LIMCH1: variants seen among roughly 807,000 people sequenced by gnomAD.
LIMCH1 encodes the protein LIM and calponin homology domains-containing protein 1.
Under a neutral mutation model 176.5 loss-of-function variants are expected in LIMCH1, and 113 were observed. The ratio of observed to expected loss-of-function variants is 0.64; its 90% CI spans 0.55 to 0.75. LIMCH1 has a LOEUF of 0.75. Ranked by LOEUF, LIMCH1 falls within the 30% of genes least tolerant of loss-of-function variation. LIMCH1 has a pLI of 0.00. For synonymous variants in LIMCH1, 619 were observed against 645.9 expected (o/e 0.96, Z 0.63); for missense variants, 1,674 against 1,814.9 (o/e 0.92, Z 1.41).
At chr4:41,398,004 G>C (rs766062036) in intron 1 of LIMCH1, among the ~76,000 whole-genome samples, 6 of 151,574 alleles carry the variant, frequency 4.0e-5, no homozygotes, top group Non-Finnish European at 8.8e-5. Context: ...AGCAACATCT[G>C]AACTATCAAT....
intron 1 of LIMCH1, among the ~76,000 whole-genome samples, chr4:41,416,136 TG>T (rs1445119391): frequency 6.6e-6 from 1 of 152,202 alleles, no homozygotes; most frequent in East Asian, 1.9e-4. Context: ...CTTACTTTGC[TG>T]GGTGGTTTTG....
intron 1 of LIMCH1, among the ~76,000 whole-genome samples, chr4:41,379,927 T>A (rs2055387932): frequency 6.6e-6 from 1 of 152,122 alleles, no homozygotes; most frequent in Non-Finnish European, 1.5e-5. Flanking sequence ...GCCCCCTGAG[T>A]AGCTGGGATT....
intron 8 of LIMCH1, among the ~76,000 whole-genome samples, chr4:41,629,280 A>T (rs2093171567): frequency 6.6e-6 from 1 of 152,214 alleles, no homozygotes; most frequent in Non-Finnish European, 1.5e-5. Context: ...AGGGGAAAAA[A>T]ACCTCTGTCT....
intron 1 of LIMCH1, among the ~76,000 whole-genome samples, chr4:41,419,658 T>G (rs866256864): frequency 0.11 from 8,798 of 80,462 alleles, 818 homozygotes; most frequent in South Asian, 0.22. Context: ...TCCTCCTTCC[T>G]TCCTTCCTTC....
chr4:41,449,468 T>A (rs2063617785), intron 1 of LIMCH1, among the ~76,000 whole-genome samples: 1 of 152,170 alleles, frequency 6.6e-6, no homozygotes, highest in African/African-American at 2.4e-5. Context: ...TGTTTCCCAT[T>A]TTAGGCCCCA....
intron 1 of LIMCH1, among the ~76,000 whole-genome samples, chr4:41,447,704 C>T (rs921476692): frequency 6.6e-6 from 1 of 152,198 alleles, no homozygotes; most frequent in Admixed American, 6.5e-5. Flanking sequence ...GTCTGTCTTA[C>T]CAACTTACCT....
chr4:41,439,321 G>A (rs1195163831), intron 1 of LIMCH1, among the ~76,000 whole-genome samples: 1 of 152,212 alleles, frequency 6.6e-6, no homozygotes, highest in Admixed American at 6.5e-5. Context: ...CAGCGCCGTG[G>A]CTCATGCCTG....
intron 6 of LIMCH1, 128 bp downstream of exon 6, chr4:41,619,568 G>T: frequency 8.1e-7 from 1 of 1,233,876 alleles, no homozygotes; most frequent in Non-Finnish European, 1.1e-6. Context: ...GATGGAGGTG[G>T]GTGGGACAGA....
At chr4:41,390,602 C>T (rs1171053049) in intron 1 of LIMCH1, among the ~76,000 whole-genome samples, 1 of 152,202 alleles carries the variant, frequency 6.6e-6, no homozygotes, top group Non-Finnish European at 1.5e-5. Context: ...GTAAACATAT[C>T]ACTTTATCTG....
intron 1 of LIMCH1, among the ~76,000 whole-genome samples, chr4:41,400,189 T>C (rs1159006154): frequency 3.3e-5 from 5 of 152,130 alleles, no homozygotes; most frequent in Admixed American, 3.3e-4. Flanking sequence ...TATTTTGCAT[T>C]TTTTAAAGAA....
In LIMCH1 at chr4:41,654,142, CTT is replaced by C. The variant is rs200321151; in HGVS notation, c.3036+3535_3036+3536del. Among the ~76,000 whole-genome samples the C allele has an allele frequency of 9.1e-3, 1,388 of 152,280 alleles. 23 individuals carry two copies. The highest frequency in any genetic ancestry group is 0.031 in the African/African-American group (1,298 of 41,554). On this transcript the variant is annotated intron_variant, in intron 18 of 31. Transcript: ENST00000503057. The stretch of plus-strand genomic sequence containing the variant: ...GAATTAAATACAGAGGGACTCATGA[CTT>C]AGGATGGTTCACCTTACCATTTTTC...
chr4:41,497,360 A>G (rs1583143418), intron 2 of LIMCH1, among the ~76,000 whole-genome samples: 2 of 152,226 alleles, frequency 1.3e-5, no homozygotes, highest in Non-Finnish European at 2.9e-5. Flanking sequence ...ACAGAAGGAT[A>G]CCTTCTGGTC....
intron 1 of LIMCH1, among the ~76,000 whole-genome samples, chr4:41,591,673 A>T (rs1321075112): frequency 6.6e-6 from 1 of 152,228 alleles, no homozygotes; most frequent in Non-Finnish European, 1.5e-5. Flanking sequence ...ACTGAGAATT[A>T]TATGGATGCT....
intron 22 of LIMCH1, among the ~76,000 whole-genome samples, chr4:41,671,856 G>A: frequency 8.0e-6 from 1 of 125,030 alleles, no homozygotes; most frequent in African/African-American, 3.1e-5. Context: ...CTGCACTCCA[G>A]TCTGGGTGAC....
In LIMCH1 at chr4:41,553,938, C is replaced by G. The variant is rs537093247; in HGVS notation, c.-241+15588C>G. On this transcript the variant is annotated intron_variant, in intron 1 of 31. Coordinates refer to ENST00000503057, the MANE Select transcript of LIMCH1 (RefSeq NM_001330672.2). ...ATAATATCCTTGACCTAAGTGAATT[C>G]TCAAGCTCAGTAGTATTAGGCCAGA... Among the ~76,000 whole-genome samples, 3 of 152,282 alleles carry G rather than the reference C, an allele frequency of 2.0e-5. No homozygotes were observed. The South Asian group carries it at 6.2e-4, about 32-fold the overall frequency.
intron 1 of LIMCH1, among the ~76,000 whole-genome samples, chr4:41,367,823 C>T (rs890303779): frequency 2.8e-4 from 41 of 148,936 alleles, no homozygotes; most frequent in Non-Finnish European, 5.0e-4. Context: ...GCCAAAATCG[C>T]GCCACTGCAC....
intron 2 of LIMCH1, among the ~76,000 whole-genome samples, chr4:41,503,257 G>A (rs2073691082): frequency 6.6e-6 from 1 of 152,102 alleles, no homozygotes; most frequent in Admixed American, 6.6e-5. Context: ...GCTCATCTCG[G>A]AATTAACCGA....
rs768519006 is a variant in LIMCH1, at chr4:41,619,344, TC to T, written c.366del (p.Ala123ArgfsTer3). ...LPNKSNQTAYVPAPLRKKKAE... is the reference protein window; with the variant it reads ...LPNKSNQTAYXPAPLRKKKAE... The stretch of plus-strand genomic sequence containing the variant: ...AACAAAAGCAATCAGACGGCCTACG[TC>T]CCCGCGCCTCTGAGAAAGAAGAAAG... On this transcript the variant is annotated frameshift_variant, in exon 6 of 32. Coordinates refer to ENST00000503057, the MANE Select transcript of LIMCH1 (RefSeq NM_001330672.2). LOFTEE classifies it high-confidence loss of function. 1 of 1,614,018 alleles carries T rather than the reference TC, an allele frequency of 6.2e-7. No homozygotes were observed. The highest frequency in any genetic ancestry group is 2.2e-5 in the East Asian group (1 of 44,872).
At chr4:41,544,495 A>G (rs943399177) in intron 1 of LIMCH1, among the ~76,000 whole-genome samples, 1 of 152,128 alleles carries the variant, frequency 6.6e-6, no homozygotes, top group Admixed American at 6.6e-5. Flanking sequence ...TGTGTCAGAG[A>G]GAAGCCTGCA....
Sources: allele counts gnomAD v4.1 joint callset (sites outside exome capture counted in the v4.1 genomes callset), GRCh38; gene constraint gnomAD v4.1.1; transcripts MANE v1.5; gene names NCBI Gene and HGNC (gene_info 2026-07-23, HGNC 2026-07-21).